The following NRG3 variants were observed in gnomAD, a reference collection of about 807,000 sequenced individuals.
NRG3 encodes pro-neuregulin-3, membrane-bound isoform.
Under a neutral mutation model 66.9 loss-of-function variants are expected in NRG3, and 31 were observed. The observed-to-expected ratio is 0.46, with a 90% CI of 0.35 to 0.63. The LOEUF (loss-of-function observed/expected upper bound fraction) is 0.63, where lower values mean the gene tolerates loss of function less well. NRG3 is among the 20% of genes least tolerant of loss of function. The probability of loss-of-function intolerance (pLI) is 0.00; values close to 1 mark genes in which losing one functional copy is unlikely to be tolerated. For synonymous variants in NRG3, 393 were observed against 359.4 expected, an observed-to-expected ratio of 1.09 and a Z score of -1.06; for missense variants, 910 against 878.9, an observed-to-expected ratio of 1.04 and a Z score of -0.45.
intron 2 of NRG3, among the ~76,000 whole-genome samples, chr10:82,465,992 G>C (rs1043798026): frequency 3.9e-5 from 6 of 152,262 alleles, no homozygotes; most frequent in East Asian, 1.9e-4. Context: ...GATGTGCCTT[G>C]TGATTGCCCA....
chr10:82,116,471 A>G (rs1197829363), intron 1 of NRG3, among the ~76,000 whole-genome samples: 1 of 152,160 alleles, frequency 6.6e-6, no homozygotes, highest in Non-Finnish European at 1.5e-5. Flanking sequence ...CAGATATGCC[A>G]TCTTAAATGT....
chr10:82,146,915 T>A (rs535412735), intron 1 of NRG3, among the ~76,000 whole-genome samples: 2 of 152,130 alleles, frequency 1.3e-5, no homozygotes, highest in Non-Finnish European at 2.9e-5. Flanking sequence ...CAAAAGTGAG[T>A]AGACTGTCTG....
chr10:82,925,900 A>G (rs1383196131), intron 4 of NRG3, among the ~76,000 whole-genome samples: 1 of 152,192 alleles, frequency 6.6e-6, no homozygotes. Context: ...GGCTAATGCA[A>G]CTAGCGATGG....
intron 1 of NRG3, among the ~76,000 whole-genome samples, chr10:81,938,753 T>C (rs1486371023): frequency 6.6e-6 from 1 of 151,990 alleles, no homozygotes; most frequent in Non-Finnish European, 1.5e-5. Flanking sequence ...CTTTTAGTTG[T>C]TTTTCTTGTC....
intron 2 of NRG3, among the ~76,000 whole-genome samples, chr10:82,662,453 G>A (rs1175762470): frequency 6.7e-6 from 1 of 149,720 alleles, no homozygotes; most frequent in Non-Finnish European, 1.5e-5. Context: ...TCTAAAAGAT[G>A]CTTAGACACA....
chr10:82,940,468 C>T (rs1848489608), intron 4 of NRG3, among the ~76,000 whole-genome samples: 1 of 152,142 alleles, frequency 6.6e-6, no homozygotes, highest in African/African-American at 2.4e-5. Context: ...CCAAATTTCT[C>T]CTTTTACTAA....
chr10:82,414,066 G>C (rs2088334208), intron 2 of NRG3, among the ~76,000 whole-genome samples: 1 of 152,098 alleles, frequency 6.6e-6, no homozygotes, highest in Admixed American at 6.6e-5. Context: ...CTTTTCCTTT[G>C]CATTCACAAC....
intron 1 of NRG3, among the ~76,000 whole-genome samples, chr10:82,153,029 A>T (rs934784217): frequency 6.6e-6 from 1 of 151,970 alleles, no homozygotes; most frequent in Non-Finnish European, 1.5e-5. Flanking sequence ...TTTAGTTAAC[A>T]TTTATCACCT....
intron 1 of NRG3, among the ~76,000 whole-genome samples, chr10:81,931,040 A>G (rs761289186): frequency 1.3e-5 from 2 of 152,216 alleles, no homozygotes; most frequent in Non-Finnish European, 2.9e-5. Flanking sequence ...CTGTCTGCTT[A>G]CATCACTTTC....
At chr10:82,070,321 C>T (rs1564788964) in intron 1 of NRG3, among the ~76,000 whole-genome samples, 1 of 151,964 alleles carries the variant, frequency 6.6e-6, no homozygotes, top group Non-Finnish European at 1.5e-5. Context: ...CCCATCCTTT[C>T]AAGAAAGGAG....
chr10:82,076,449 G>T (rs888135196), intron 1 of NRG3, among the ~76,000 whole-genome samples: 1 of 152,162 alleles, frequency 6.6e-6, no homozygotes, highest in Non-Finnish European at 1.5e-5. Context: ...GCATTTGTAG[G>T]ATGACTCAGG....
At chr10:82,362,569 T>TTTTTTTTTTTTTTTG in intron 2 of NRG3, among the ~76,000 whole-genome samples, 1 of 148,208 alleles carries the variant, frequency 6.7e-6, no homozygotes. Flanking sequence ...TTTTTTTTTT[T>TTTTTTTTTTTTTTTG]CGTAGAAATG....
intron 1 of NRG3, among the ~76,000 whole-genome samples, chr10:82,314,829 A>T (rs953509402): frequency 2.6e-5 from 4 of 152,286 alleles, no homozygotes; most frequent in African/African-American, 9.6e-5. Flanking sequence ...AAACAAAAAA[A>T]CAATAAATAG....
At chr10:82,803,724 T>C (rs929206848) in intron 3 of NRG3, among the ~76,000 whole-genome samples, 1 of 151,554 alleles carries the variant, frequency 6.6e-6, no homozygotes, top group South Asian at 2.1e-4. Context: ...AGCGTAAATA[T>C]GTATTTTGAG....
intron 2 of NRG3, among the ~76,000 whole-genome samples, chr10:82,434,624 AATACCTGGTTT>A (rs1489650124): frequency 3.2e-4 from 49 of 152,138 alleles, no homozygotes; most frequent in Non-Finnish European, 2.6e-4. Flanking sequence ...ATGTTCCATC[AATACCTGGTTT>A]ATTGAGAGTT....
chr10:82,089,017 A>G (rs900579442), intron 1 of NRG3, among the ~76,000 whole-genome samples: 4 of 152,004 alleles, frequency 2.6e-5, no homozygotes, highest in Non-Finnish European at 5.9e-5. Context: ...AAGAATCAAC[A>G]AAGTATGAAA....
chr10:81,875,497 C>T lies in NRG3; in HGVS notation c.157C>T (p.Arg53Cys), dbSNP rs1320050547. 1.3e-6 allele frequency: 2 copies of T among 1,593,404 alleles called. No homozygotes were observed. Among genetic ancestry groups the T allele is most frequent in the South Asian group, 1.1e-5 (1 of 89,462 alleles). ...GGCGGCCGAGCCCCCCCGGGAGTTA[C>T]GCTGTAGCGACTGCATCGTGTGGAA... is the stretch of plus-strand genomic sequence containing the variant. ...EGAAEPPREL[R>C]CSDCIVWNRQ... Residue 53 changes from arginine to cysteine, a missense_variant, in exon 1 of 9, where the codon CGC (arginine) becomes TGC (cysteine). Arg to Cys is a radical substitution (Grantham distance 180). Coordinates refer to ENST00000372141, the MANE Select transcript of NRG3 (RefSeq NM_001010848.4). This position sits in a 1 kb window ranked among gnomAD's most constrained non-coding sequence, Gnocchi z 5.3.
intron 1 of NRG3, chr10:82,166,880 CAG>C (rs2072110152): frequency 3.3e-6 from 2 of 600,210 alleles, no homozygotes; most frequent in Non-Finnish European, 6.1e-6. Flanking sequence ...ATTTTTTTCT[CAG>C]TAGTTTTTTT....
rs748723191 is a variant in NRG3, at chr10:81,875,917, G to C, written c.577G>C (p.Val193Leu). Residue 193 changes from valine to leucine, a missense_variant, in exon 1 of 9, where the codon GTC becomes CTC. By Grantham distance (32) the Val-to-Leu change is conservative. Transcript: ENST00000372141. The surrounding 1 kb of genome is among the most constrained non-coding windows in gnomAD (Gnocchi z 5.3). Reference protein sequence around the residue: ...TARNTAAPATVPSTTAPFFSS... With the variant: ...TARNTAAPATLPSTTAPFFSS... ...ACGGAACACTGCGGCCCCTGCGACG[G>C]TCCCGTCCACCACGGCCCCGTTCTT... 5.0e-6 allele frequency: 8 copies of C among 1,613,106 alleles called. No homozygotes were observed. The highest frequency in any genetic ancestry group is 6.8e-6 in the Non-Finnish European group (8 of 1,180,012).
Sources: gnomAD v4.1 joint callset for allele counts (sites outside exome capture counted in the v4.1 genomes callset) on GRCh38, gnomAD v4.1.1 for gene constraint, Gnocchi (gnomAD v3.1) non-coding constraint, MANE v1.5 for transcripts, NCBI Gene and HGNC (gene_info 2026-07-23, HGNC 2026-07-21) for gene names.